Variants in KDM4A observed in about 807,000 individuals in gnomAD.
KDM4A encodes lysine demethylase 4A.
KDM4A carries 23 observed loss-of-function variants against 127.1 expected under a neutral mutation model. The observed-to-expected ratio is 0.18, with a 90% CI of 0.13 to 0.26. The LOEUF (loss-of-function observed/expected upper bound fraction) is 0.26, where lower values mean the gene tolerates loss of function less well. Ranked by LOEUF, KDM4A falls within the 10% of genes least tolerant of loss-of-function variation. The probability of loss-of-function intolerance (pLI) is 1.00; values close to 1 mark genes in which losing one functional copy is unlikely to be tolerated. For missense variants in KDM4A, 890 were observed against 1,329.1 expected (o/e 0.67, Z 5.14); for synonymous variants, 443 against 466.5 (o/e 0.95, Z 0.65).
At chr1:43,683,851 T>A (rs941437921) in intron 12 of KDM4A, 47 bp downstream of exon 12, 7 of 1,607,504 alleles carry the variant, frequency 4.4e-6, no homozygotes, top group Non-Finnish European at 5.9e-6. Flanking sequence ...CTCACCACAT[T>A]AGACTTGACA....
chr1:43,703,857 C>G, intron 20 of KDM4A, 121 bp downstream of exon 20: 1 of 1,410,072 alleles, frequency 7.1e-7, no homozygotes, highest in Non-Finnish European at 9.8e-7. Flanking sequence ...CCTTTCAGAG[C>G]TAGGGGTCTG....
At chr1:43,655,895 T>G in intron 3 of KDM4A, 129 bp downstream of exon 3, 1 of 634,654 alleles carries the variant, frequency 1.6e-6, no homozygotes, top group South Asian at 3.5e-5. Flanking sequence ...TCTAGCTGTC[T>G]CCCTTTCTGC....
At chr1:43,699,703 T>A (rs1268974617) in intron 19 of KDM4A, 1 of 152,098 alleles carries the variant, frequency 6.6e-6, no homozygotes, top group African/African-American at 2.4e-5. Flanking sequence ...TCCCTGCAAT[T>A]TTGCAAATCT....
At chr1:43,650,856 T>C (rs1660100112) in intron 1 of KDM4A, among the ~76,000 whole-genome samples, 1 of 152,198 alleles carries the variant, frequency 6.6e-6, no homozygotes, top group Non-Finnish European at 1.5e-5. Context: ...ATTCAGAGTT[T>C]TGACTTCGGA....
At chr1:43,666,039 A>G (rs1660495385) in intron 6 of KDM4A, among the ~76,000 whole-genome samples, 1 of 152,224 alleles carries the variant, frequency 6.6e-6, no homozygotes, top group African/African-American at 2.4e-5. Flanking sequence ...TAAAGAAAAA[A>G]TTGAACTTTA....
chr1:43,684,915 T>C (rs1660937254), intron 12 of KDM4A, among the ~76,000 whole-genome samples: 1 of 152,144 alleles, frequency 6.6e-6, no homozygotes, highest in Non-Finnish European at 1.5e-5. Flanking sequence ...TAAAATCAAC[T>C]GGATTTGGTG....
Position 43,672,000 on chromosome 1 carries a change from AC to A in KDM4A, c.1734+128del, listed in dbSNP as rs1660630450. 1.2e-5 allele frequency: 14 copies of A among 1,124,030 alleles called. No homozygotes were observed. The South Asian group carries it at 3.2e-4, about 26-fold the overall frequency. 69.6% of individuals were successfully genotyped at this position (1,124,030 alleles called of 1,614,324 possible). On this transcript the variant is annotated intron_variant, in intron 11 of 21. Transcript: ENST00000372396. The stretch of plus-strand genomic sequence containing the variant: ...GAGGTGCTGCAGGAGGGCAGGAGAG[AC>A]CCTCAGTCAGTGCCTCTAGCCAGCA...
intron 12 of KDM4A, 110 bp downstream of exon 12, chr1:43,683,914 G>A: frequency 8.2e-7 from 1 of 1,219,128 alleles, no homozygotes. Flanking sequence ...CTGTGGCTTA[G>A]CTGCTCTTCC....
Position 43,673,332 on chromosome 1 carries a change from T to C in KDM4A, c.1734+1457T>C, listed in dbSNP as rs181433504. Among the ~76,000 whole-genome samples, 139 of 152,304 alleles carry C rather than the reference T, an allele frequency of 9.1e-4. 2 individuals carry two copies. The highest frequency in any genetic ancestry group is 3.4e-3 in the Middle Eastern group (1 of 294). Reference sequence around the variant, plus strand: ...AAAAATGTATCTTAAAAATCTTCACTATGGAAAATTTCTGACGTACGTACA... The same window carrying C: ...AAAAATGTATCTTAAAAATCTTCACCATGGAAAATTTCTGACGTACGTACA... On this transcript the variant is annotated intron_variant, in intron 11 of 21. Coordinates refer to ENST00000372396, the MANE Select transcript of KDM4A (RefSeq NM_014663.3).
intron 18 of KDM4A, among the ~76,000 whole-genome samples, chr1:43,695,154 C>T (rs1452635577): frequency 2.0e-5 from 3 of 152,152 alleles, no homozygotes; most frequent in African/African-American, 7.2e-5. Context: ...TCAGAATAAA[C>T]TCCTTGAGGG....
Position 43,704,384 on chromosome 1 carries a change from C to T in KDM4A, c.*14C>T. 6.2e-7 allele frequency: 1 copy of T among 1,609,188 alleles called. No individual in the cohort carries two copies. Among genetic ancestry groups the T allele is most frequent in the Non-Finnish European group, 8.5e-7 (1 of 1,178,038 alleles). ...ATCATGGAGTAGGTGCTTCCAGGGTCCAAGGGATTCTCAGCCATCCAGGCA... is the reference window on the plus strand; with the variant it reads ...ATCATGGAGTAGGTGCTTCCAGGGTTCAAGGGATTCTCAGCCATCCAGGCA... On this transcript the variant is annotated 3_prime_UTR_variant, in exon 22 of 22. Transcript: ENST00000372396.
At chr1:43,691,201 G>A (rs1661101647) in intron 14 of KDM4A, 152 bp downstream of exon 14, 2 of 790,662 alleles carry the variant, frequency 2.5e-6, no homozygotes, top group Non-Finnish European at 4.2e-6. Context: ...CTGTCTCCAG[G>A]GGTCCATACT....
At chr1:43,664,394 C>T (rs989861167) in intron 5 of KDM4A, among the ~76,000 whole-genome samples, 11 of 151,910 alleles carry the variant, frequency 7.2e-5, no homozygotes, top group Non-Finnish European at 1.3e-4. Context: ...TGGTGAAACC[C>T]GTCTCTACTA....
rs1660619191 is a variant in KDM4A at position 43,671,599 on chromosome 1, G to A, written c.1458G>A (p.Leu486=). The change falls in exon 11 of 22, where the codon TTG becomes TTA. Residue 486 remains leucine, a synonymous_variant. Transcript: ENST00000372396. ...DEEEEQAAAA[L]DLSVNPASVG... ...AGGAAGAACAAGCAGCAGCTGCCTT[G>A]GATCTTTCTGTGAATCCTGCGTCTG... 2 of 1,612,480 alleles carry A rather than the reference G, an allele frequency of 1.2e-6. No individual in the cohort carries two copies. The highest frequency in any genetic ancestry group is 1.1e-5 in the South Asian group (1 of 90,796).
chr1:43,667,727 C>CA, intron 8 of KDM4A, 45 bp from the exon 9 acceptor site: 2 of 1,611,204 alleles, frequency 1.2e-6, no homozygotes, highest in East Asian at 4.5e-5. Context: ...GAGTTGGAAG[C>CA]AGCAAGGTAT....
chr1:43,664,367 G>GACC (rs1234595175), intron 5 of KDM4A, among the ~76,000 whole-genome samples: 1 of 152,044 alleles, frequency 6.6e-6, no homozygotes, highest in Non-Finnish European at 1.5e-5. Flanking sequence ...AGGAGTTGGA[G>GACC]ACCAGCCTGG....
In KDM4A at chr1:43,693,195, C is replaced by G. The variant is rs1486215329; in HGVS notation, c.2376-799C>G. 6.6e-6 allele frequency among the ~76,000 whole-genome samples: 1 copy of G among 152,182 alleles called. No individual in the cohort carries two copies. Among genetic ancestry groups the G allele is most frequent in the Admixed American group, 6.5e-5 (1 of 15,284 alleles). On this transcript the variant is annotated intron_variant, in intron 16 of 21. Transcript: ENST00000372396. The surrounding 1 kb of genome is among the most constrained non-coding windows in gnomAD (Gnocchi z 4.2). ...CTTATTTGGAGTGGAAATGGCTGTG[C>G]TTGAATCTCTCACCTTTACCTCTGA...
chr1:43,653,629 T>C (rs1660169546), intron 2 of KDM4A: 1 of 193,554 alleles, frequency 5.2e-6, no homozygotes, highest in Admixed American at 6.0e-5. Flanking sequence ...CAGTGAGTGC[T>C]TATGCCATCT....
chr1:43,665,936 G>A (rs994949493), intron 6 of KDM4A, among the ~76,000 whole-genome samples, 191 bp downstream of exon 6: 4 of 152,178 alleles, frequency 2.6e-5, no homozygotes, highest in Non-Finnish European at 4.4e-5. Context: ...CTGACTGTCT[G>A]TGCCTCAGTT....
Sources: allele counts gnomAD v4.1 joint callset (sites outside exome capture counted in the v4.1 genomes callset), GRCh38; gene constraint gnomAD v4.1.1; non-coding constraint Gnocchi (gnomAD v3.1); transcripts MANE v1.5; gene names NCBI Gene and HGNC (gene_info 2026-07-23, HGNC 2026-07-21).